Variants in TMEFF1 observed in about 807,000 individuals in gnomAD.
The protein encoded by TMEFF1 is tomoregulin-1.
Under a neutral mutation model 47.5 loss-of-function variants are expected in TMEFF1, and 20 were observed. The observed-to-expected ratio is 0.42, with a 90% CI of 0.30 to 0.61. The LOEUF is 0.61. Among genes scored for constraint, TMEFF1 ranks in the 20% least tolerant of loss-of-function variants. The probability of loss-of-function intolerance (pLI) is 0.19; values close to 1 mark genes in which losing one functional copy is unlikely to be tolerated. For synonymous variants in TMEFF1, 162 were observed against 166.3 expected (o/e 0.97, Z 0.20); for missense variants, 411 against 471.1 (o/e 0.87, Z 1.18).
intron 8 of TMEFF1, among the ~76,000 whole-genome samples, chr9:100,566,714 C>CT (rs892188507): frequency 6.6e-5 from 10 of 150,466 alleles, no homozygotes; most frequent in South Asian, 2.1e-4. Context: ...TTTCTTTTTT[C>CT]TTTTTTTTGA....
intron 8 of TMEFF1, among the ~76,000 whole-genome samples, chr9:100,564,327 A>T (rs1306785699): frequency 6.6e-6 from 1 of 152,172 alleles, no homozygotes; most frequent in East Asian, 1.9e-4. Flanking sequence ...CACCTGCCTC[A>T]GCCTCCCAAA....
intron 5 of TMEFF1, among the ~76,000 whole-genome samples, chr9:100,529,774 A>G (rs1360972406): frequency 2.0e-5 from 3 of 152,164 alleles, no homozygotes; most frequent in African/African-American, 7.2e-5. Flanking sequence ...CTCCATCCCA[A>G]ATCAACAGAA....
At chr9:100,570,149 T>C (rs1364182751) in intron 8 of TMEFF1, among the ~76,000 whole-genome samples, 2 of 152,208 alleles carry the variant, frequency 1.3e-5, no homozygotes, top group Non-Finnish European at 2.9e-5. Context: ...CCATTTTGTA[T>C]ATATACCTCA....
intron 5 of TMEFF1, among the ~76,000 whole-genome samples, chr9:100,533,264 A>G (rs1838434128): frequency 6.6e-6 from 1 of 152,172 alleles, no homozygotes; most frequent in South Asian, 2.1e-4. Context: ...CCTGGATCCG[A>G]TGCTATCTTT....
intron 5 of TMEFF1, among the ~76,000 whole-genome samples, chr9:100,529,793 T>G (rs975428478): frequency 5.3e-5 from 8 of 152,048 alleles, no homozygotes; most frequent in Non-Finnish European, 1.0e-4. Context: ...AATATACATT[T>G]TTTTCAGCCC....
intron 4 of TMEFF1, 64 bp downstream of exon 4, chr9:100,513,397 T>TC: frequency 1.3e-6 from 2 of 1,487,710 alleles, no homozygotes; most frequent in Non-Finnish European, 1.8e-6. Flanking sequence ...CTTTTTCTTT[T>TC]TTTTTTTTTT....
intron 1 of TMEFF1, among the ~76,000 whole-genome samples, chr9:100,477,708 C>G (rs1158377812): frequency 1.3e-5 from 2 of 149,366 alleles, no homozygotes; most frequent in African/African-American, 5.0e-5. Flanking sequence ...TCACTGTAAC[C>G]TCTGCCTTCC....
intron 4 of TMEFF1, among the ~76,000 whole-genome samples, chr9:100,513,720 CCCA>C (rs990260124): frequency 6.6e-6 from 1 of 152,036 alleles, no homozygotes; most frequent in Non-Finnish European, 1.5e-5. Context: ...TTGCATCATC[CCCA>C]CAAGTGATTT....
chr9:100,490,309 A>G (rs1448397374), intron 1 of TMEFF1, among the ~76,000 whole-genome samples: 1 of 152,194 alleles, frequency 6.6e-6, no homozygotes, highest in African/African-American at 2.4e-5. Flanking sequence ...CTAGAAGATA[A>G]CTAATATGAT....
chr9:100,540,226 C>G (rs1312098442), intron 5 of TMEFF1, among the ~76,000 whole-genome samples: 3 of 151,810 alleles, frequency 2.0e-5, no homozygotes, highest in Non-Finnish European at 2.9e-5. Flanking sequence ...CTCCAAGTCC[C>G]CACCGGATTA....
chr9:100,572,777 A>G, intron 9 of TMEFF1, 101 bp downstream of exon 9: 1 of 1,397,286 alleles, frequency 7.2e-7, no homozygotes, highest in Non-Finnish European at 9.4e-7. Flanking sequence ...AAATCTTATG[A>G]TCAGTTCCCT....
chr9:100,498,903 T>C (rs760353662), intron 2 of TMEFF1, 29 bp downstream of exon 2: 1 of 1,595,158 alleles, frequency 6.3e-7, no homozygotes, highest in Admixed American at 1.8e-5. Flanking sequence ...TTTTGAAAAG[T>C]TTTATATTCT....
chr9:100,509,224 A>G, intron 3 of TMEFF1, 90 bp downstream of exon 3: 2 of 1,371,110 alleles, frequency 1.5e-6, no homozygotes. Flanking sequence ...TATTTCCACA[A>G]CTGCTGTGTG....
At chr9:100,568,629 T>C (rs958195997) in intron 8 of TMEFF1, among the ~76,000 whole-genome samples, 2 of 151,390 alleles carry the variant, frequency 1.3e-5, no homozygotes, top group Non-Finnish European at 3.0e-5. Flanking sequence ...GTGTTTAATA[T>C]ATGCACAGAG....
chr9:100,551,784 TGTA>T (rs1201020054), intron 7 of TMEFF1, among the ~76,000 whole-genome samples: 1 of 152,252 alleles, frequency 6.6e-6, no homozygotes, highest in Non-Finnish European at 1.5e-5. Context: ...GTTCTTGTGA[TGTA>T]GTAAATGCAG....
At chr9:100,533,820 G>A (rs771306989) in intron 5 of TMEFF1, among the ~76,000 whole-genome samples, 3 of 152,158 alleles carry the variant, frequency 2.0e-5, no homozygotes, top group Non-Finnish European at 4.4e-5. Flanking sequence ...CTGGGTTGAA[G>A]CGATTCTCCT....
chr9:100,518,328 C>A (rs573109986), intron 5 of TMEFF1: 1 of 466,528 alleles, frequency 2.1e-6, no homozygotes, highest in Non-Finnish European at 2.8e-6. Context: ...TAATATGTAG[C>A]CTATTCCCAA....
At chr9:100,540,152 A>G (rs1017754999) in intron 5 of TMEFF1, among the ~76,000 whole-genome samples, 3 of 151,808 alleles carry the variant, frequency 2.0e-5, no homozygotes, top group African/African-American at 7.3e-5. Context: ...CACATTTACA[A>G]TCCTTTAGCT....
At chr9:100,524,508 T>G (rs1838221294) in intron 5 of TMEFF1, among the ~76,000 whole-genome samples, 2 of 152,186 alleles carry the variant, frequency 1.3e-5, no homozygotes, top group Admixed American at 6.5e-5. Context: ...CCATGAGTAT[T>G]GGAGTCACAG....
Sources: gnomAD v4.1 joint callset for allele counts (sites outside exome capture counted in the v4.1 genomes callset) on GRCh38, gnomAD v4.1.1 for gene constraint, MANE v1.5 for transcripts, NCBI Gene and HGNC (gene_info 2026-07-23, HGNC 2026-07-21) for gene names.